The following TTC39B variants were observed in gnomAD, a reference collection of about 807,000 sequenced individuals.
TTC39B encodes tetratricopeptide repeat protein 39B.
Under a neutral mutation model 96.6 loss-of-function variants are expected in TTC39B, and 92 were observed. The observed-to-expected ratio is 0.95, with a 90% CI of 0.80 to 1.13. The LOEUF (loss-of-function observed/expected upper bound fraction) is 1.13, where lower values mean the gene tolerates loss of function less well. Ranked by LOEUF, TTC39B falls within the 50% of genes most tolerant of loss-of-function variation. The pLI is 0.00. For synonymous variants in TTC39B, 367 were observed against 299.4 expected (o/e 1.23, Z -2.33); for missense variants, 955 against 809.3 (o/e 1.18, Z -2.18).
At chr9:15,247,298 A>T (rs1457201490) in intron 2 of TTC39B, among the ~76,000 whole-genome samples, 1 of 152,214 alleles carries the variant, frequency 6.6e-6, no homozygotes. Context: ...GGCTGTAGAG[A>T]GGTAAAGTTC....
At chr9:15,247,700 A>T (rs759056505) in intron 2 of TTC39B, among the ~76,000 whole-genome samples, 1 of 152,220 alleles carries the variant, frequency 6.6e-6, no homozygotes, top group Non-Finnish European at 1.5e-5. Context: ...ACATAAATGT[A>T]TATGTGCTGT....
chr9:15,172,904 A>AT (rs1347373577), intron 19 of TTC39B, among the ~76,000 whole-genome samples: 1 of 152,174 alleles, frequency 6.6e-6, no homozygotes, highest in African/African-American at 2.4e-5. Context: ...ACTAAAATCA[A>AT]TATGTTACTG....
chr9:15,215,297 C>T (rs955392761), intron 3 of TTC39B, among the ~76,000 whole-genome samples: 1 of 151,914 alleles, frequency 6.6e-6, no homozygotes, highest in African/African-American at 2.4e-5. Context: ...GCTCAAAGTG[C>T]CTGTAATCTC....
chr9:15,285,695 A>G (rs1211693212), intron 1 of TTC39B, among the ~76,000 whole-genome samples: 1 of 152,096 alleles, frequency 6.6e-6, no homozygotes, highest in Non-Finnish European at 1.5e-5. Flanking sequence ...TCTACTAAAA[A>G]TACAAAAAAA....
At position 15,279,357 on chromosome 9, in the gene TTC39B, C is replaced by T. The variant is rs184599337; in HGVS notation, c.241-11409G>A. Among the ~76,000 whole-genome samples the T allele has an allele frequency of 1.3e-3, 202 of 152,288 alleles. 1 individual carries two copies. The highest frequency in any genetic ancestry group is 4.6e-3 in the African/African-American group (191 of 41,562). On this transcript the variant is annotated intron_variant, in intron 1 of 19. Coordinates refer to ENST00000512701, the Ensembl canonical transcript of TTC39B. ...ACCTTATCCACTCAATATGAGTGTT[C>T]GGAAGAGGCAGTTCCCAAAGAGTAA...
chr9:15,297,909 T>C (rs972186861), intron 1 of TTC39B, among the ~76,000 whole-genome samples: 14 of 152,164 alleles, frequency 9.2e-5, no homozygotes, highest in African/African-American at 2.9e-4. Context: ...GATTAAGGGA[T>C]ACCCAGATAG....
intron 2 of TTC39B, among the ~76,000 whole-genome samples, chr9:15,230,688 T>A (rs960665293): frequency 6.6e-6 from 1 of 152,190 alleles, no homozygotes; most frequent in East Asian, 1.9e-4. Context: ...AACATTCATG[T>A]ACAAGTTCTT....
At chr9:15,302,077 C>G (rs1209796550) in intron 1 of TTC39B, among the ~76,000 whole-genome samples, 1 of 152,088 alleles carries the variant, frequency 6.6e-6, no homozygotes, top group African/African-American at 2.4e-5. Context: ...AATCCCAGCA[C>G]ATTGGGAGGC....
Position 15,279,418 on chromosome 9 carries a change from A to C in TTC39B, c.241-11470T>G, listed in dbSNP as rs559972633. ...ATGATCTCAAACTGAGAAATCCTAT[A>C]ATGGGGGAGAGAGAAGGTAAAGGGA... On this transcript the variant is annotated intron_variant, in intron 1 of 19. Transcript: ENST00000512701. 7.6e-4 allele frequency among the ~76,000 whole-genome samples: 115 copies of C among 152,302 alleles called. 4 individuals carry two copies. The South Asian group carries it at 0.022, about 29-fold the overall frequency.
chr9:15,296,440 A>C (rs1406564593), intron 1 of TTC39B, among the ~76,000 whole-genome samples: 1 of 152,224 alleles, frequency 6.6e-6, no homozygotes, highest in Non-Finnish European at 1.5e-5. Context: ...AGAAGAAGAA[A>C]AGCAAAAATA....
At chr9:15,192,793 A>T in intron 8 of TTC39B, 98 bp from the exon 9 acceptor site, 1 of 768,890 alleles carries the variant, frequency 1.3e-6, no homozygotes, top group South Asian at 1.8e-5. Context: ...AATAAATGTC[A>T]TTAATTAAAA....
intron 2 of TTC39B, among the ~76,000 whole-genome samples, chr9:15,229,875 G>A (rs1174262930): frequency 6.6e-6 from 1 of 152,042 alleles, no homozygotes; most frequent in Non-Finnish European, 1.5e-5. Flanking sequence ...CTACATTCTT[G>A]TTTATGAATT....
chr9:15,214,035 C>G (rs1564353456), intron 4 of TTC39B, 104 bp downstream of exon 4: 3 of 807,210 alleles, frequency 3.7e-6, no homozygotes. Context: ...ATTAGCTTAT[C>G]AATATTCAGA....
chr9:15,294,183 A>G (rs1824288879), intron 1 of TTC39B, among the ~76,000 whole-genome samples: 3 of 150,176 alleles, frequency 2.0e-5, no homozygotes, highest in Admixed American at 1.3e-4. Context: ...CATTTTAGAA[A>G]GAGCAGTCTA....
rs144399599 is a variant in TTC39B, at chr9:15,240,606, T to C, written c.276-14594A>G. Among the ~76,000 whole-genome samples, 4 of 152,342 alleles carry C rather than the reference T, an allele frequency of 2.6e-5. No homozygotes were observed. The East Asian group carries it at 7.7e-4, about 29-fold the overall frequency. On this transcript the variant is annotated intron_variant, in intron 2 of 19. Coordinates refer to ENST00000512701, the Ensembl canonical transcript of TTC39B. ...TAAGTCTATATTCATGAAGGGAATA[T>C]TCAAATATTAATTTAAGGAAACACC...
chr9:15,171,021 C>T (rs947454656), exon 20 of TTC39B: 6 of 152,152 alleles, frequency 3.9e-5, no homozygotes, highest in Non-Finnish European at 5.9e-5. Context: ...CCTCACTAAT[C>T]GCTAATGGGT....
intron 1 of TTC39B, among the ~76,000 whole-genome samples, chr9:15,299,497 C>T (rs1333616170): frequency 6.6e-6 from 1 of 152,058 alleles, no homozygotes; most frequent in African/African-American, 2.4e-5. Context: ...GGACTTGGTG[C>T]ATCAGGAGGC....
intron 2 of TTC39B, among the ~76,000 whole-genome samples, chr9:15,228,466 AAAAAT>A (rs1176586346): frequency 7.4e-6 from 1 of 134,590 alleles, no homozygotes; most frequent in African/African-American, 4.0e-5. Context: ...CTCCATCTCA[AAAAAT>A]AAAAACAGTA....
chr9:15,285,274 G>GAAA (rs569294561), intron 1 of TTC39B, among the ~76,000 whole-genome samples: 1 of 127,882 alleles, frequency 7.8e-6, no homozygotes, highest in Non-Finnish European at 1.7e-5. Context: ...GTCTCAAAAA[G>GAAA]AAAAAAAAAA....
Sources: gnomAD v4.1 joint callset for allele counts (sites outside exome capture counted in the v4.1 genomes callset) on GRCh38, gnomAD v4.1.1 for gene constraint, MANE v1.5 for transcripts, NCBI Gene and HGNC (gene_info 2026-07-23, HGNC 2026-07-21) for gene names.